CPAMD8: variants seen among roughly 807,000 people sequenced by gnomAD.
CPAMD8 encodes C3 and PZP-like alpha-2-macroglobulin domain-containing protein 8.
In CPAMD8, 146 loss-of-function variants were observed where a neutral mutation model predicts 224.7. The ratio of observed to expected loss-of-function variants is 0.65; its 90% confidence interval spans 0.57 to 0.75. CPAMD8 has a LOEUF of 0.75. CPAMD8 is among the 30% of genes least tolerant of loss of function. The probability of loss-of-function intolerance (pLI) is 0.00; values close to 1 mark genes in which losing one functional copy is unlikely to be tolerated. For synonymous variants in CPAMD8, 966 were observed against 1,044.6 expected (o/e 0.92, Z 1.45); for missense variants, 2,301 against 2,537.5 (o/e 0.91, Z 2.00).
intron 13 of CPAMD8, among the ~76,000 whole-genome samples, chr19:16,984,683 T>C (rs1341707989): frequency 6.6e-6 from 1 of 152,160 alleles, no homozygotes; most frequent in Non-Finnish European, 1.5e-5. Context: ...GAAAGAACTT[T>C]CACGACTCAA....
intron 16 of CPAMD8, among the ~76,000 whole-genome samples, chr19:16,975,612 G>A (rs1455839541): frequency 6.6e-6 from 1 of 152,162 alleles, no homozygotes; most frequent in East Asian, 1.9e-4. Flanking sequence ...GGAGGCTGAG[G>A]TGGGAGGATC....
rs532200595 is a variant in CPAMD8, at chr19:16,982,980, A to T, written c.1396-2294T>A. Among the ~76,000 whole-genome samples, 5 of 152,256 alleles carry T rather than the reference A, an allele frequency of 3.3e-5. No homozygotes were observed. The East Asian group carries it at 9.6e-4, about 29-fold the overall frequency. Reference sequence around the variant, plus strand: ...AGAATGAGTCTCGTGAGATCTGATAATTTTATAAGGGGTTTTCCTTTTCAC... The same window carrying T: ...AGAATGAGTCTCGTGAGATCTGATATTTTTATAAGGGGTTTTCCTTTTCAC... On this transcript the variant is annotated intron_variant, in intron 13 of 41. Transcript: ENST00000443236.
intron 29 of CPAMD8, among the ~76,000 whole-genome samples, chr19:16,913,304 T>C (rs1568467702): frequency 6.6e-6 from 1 of 152,106 alleles, no homozygotes; most frequent in African/African-American, 2.4e-5. Flanking sequence ...CCTAATATGA[T>C]GGTATTAGGA....
chr19:17,026,371 G>C (rs1262424927), intron 1 of CPAMD8, among the ~76,000 whole-genome samples, 180 bp downstream of exon 1: 1 of 152,184 alleles, frequency 6.6e-6, no homozygotes, highest in Admixed American at 6.5e-5. Flanking sequence ...TACCTCCACA[G>C]AGCCACTTCG....
intron 18 of CPAMD8, among the ~76,000 whole-genome samples, chr19:16,959,226 T>G (rs1056690401): frequency 4.7e-5 from 7 of 150,322 alleles, no homozygotes; most frequent in African/African-American, 1.7e-4. Context: ...CAGGCTGGAG[T>G]GCAGTGGTGC....
chr19:16,948,781 AGGAGGGGAAG>A (rs1240742321), intron 20 of CPAMD8, among the ~76,000 whole-genome samples: 2 of 130,898 alleles, frequency 1.5e-5, no homozygotes, highest in Non-Finnish European at 3.2e-5. Context: ...AAGACGGGAA[AGGAGGGGAAG>A]GGAGGGGAAG....
At chr19:16,917,981 C>T (rs1412115135) in intron 27 of CPAMD8, among the ~76,000 whole-genome samples, 1 of 152,040 alleles carries the variant, frequency 6.6e-6, no homozygotes, top group Non-Finnish European at 1.5e-5. Context: ...GACACATATC[C>T]TCCCGTGAAC....
chr19:17,005,013 A>G (rs1040356110), intron 7 of CPAMD8, among the ~76,000 whole-genome samples: 1 of 151,364 alleles, frequency 6.6e-6, no homozygotes, highest in Admixed American at 6.6e-5. Flanking sequence ...GTCTCCTGCC[A>G]GGATAGGGTT....
Position 16,914,750 on chromosome 19 carries a change from C to T in CPAMD8, c.3693G>A (p.Arg1231=). 6.2e-7 allele frequency: 1 copy of T among 1,614,086 alleles called. No individual in the cohort carries two copies. Among genetic ancestry groups the T allele is most frequent in the Non-Finnish European group, 8.5e-7 (1 of 1,180,006 alleles). The part of the protein sequence containing the change: ...QARSFIFVDP[R]ELAAAKSWII... ...TCCAGCTCTTGGCGGCAGCCAGCTC[C>T]CGGGGGTCCACGAAGATAAAGCTGC... The change falls in exon 28 of 42, where the codon CGG becomes CGA. Residue 1231 remains arginine, a synonymous_variant. Coordinates refer to ENST00000443236, the MANE Select transcript of CPAMD8 (RefSeq NM_015692.5).
At chr19:16,909,480 C>T (rs1047461027) in intron 29 of CPAMD8, among the ~76,000 whole-genome samples, 8 of 151,998 alleles carry the variant, frequency 5.3e-5, no homozygotes, top group Non-Finnish European at 8.8e-5. Context: ...GGAGGCGGAG[C>T]TTGCAATGAG....
chr19:16,934,348 T>A (rs1408009070), intron 23 of CPAMD8, among the ~76,000 whole-genome samples: 1 of 152,180 alleles, frequency 6.6e-6, no homozygotes, highest in Non-Finnish European at 1.5e-5. Flanking sequence ...ATAAACATAT[T>A]TAAAATATTA....
At chr19:16,952,357 A>T (rs2054326034) in intron 19 of CPAMD8, among the ~76,000 whole-genome samples, 157 bp from the exon 20 acceptor site, 1 of 152,190 alleles carries the variant, frequency 6.6e-6, no homozygotes, top group African/African-American at 2.4e-5. Flanking sequence ...GCAACAGGAA[A>T]AAAACTGTCC....
At chr19:16,900,758 C>A (rs938969688) in intron 36 of CPAMD8, among the ~76,000 whole-genome samples, 1 of 151,364 alleles carries the variant, frequency 6.6e-6, no homozygotes, top group Non-Finnish European at 1.5e-5. Context: ...ATGTCTGTAA[C>A]CCCAGCACTT....
intron 18 of CPAMD8, among the ~76,000 whole-genome samples, chr19:16,969,081 C>T (rs2054957328): frequency 6.6e-6 from 1 of 152,174 alleles, no homozygotes; most frequent in Non-Finnish European, 1.5e-5. Context: ...AAATAAAGAA[C>T]TCTCTAAACA....
intron 12 of CPAMD8, among the ~76,000 whole-genome samples, chr19:16,990,123 G>A (rs138943158): frequency 3.9e-5 from 6 of 152,066 alleles, no homozygotes; most frequent in South Asian, 4.2e-4. Context: ...GAGTAGTGGC[G>A]CATGCCTGTA....
In CPAMD8 at chr19:16,989,595, T is replaced by G. The variant is rs1340430606; in HGVS notation, c.1395+48A>C. 1.9e-6 allele frequency: 3 copies of G among 1,588,036 alleles called. No homozygotes were observed. The African/African-American group carries it at 4.1e-5, about 21-fold the overall frequency. On this transcript the variant is annotated intron_variant, in intron 13 of 41. Coordinates refer to ENST00000443236, the MANE Select transcript of CPAMD8 (RefSeq NM_015692.5). ...AGCCACAGCACCTGGCTCATGCTGC[T>G]TTTTGGATCCCGCATGGCCCAGGAA...
intron 32 of CPAMD8, 50 bp downstream of exon 32, chr19:16,904,176 A>AGGGCCCCCCCCCCCCCCCCCCCCCC: frequency 8.5e-6 from 8 of 937,328 alleles, no homozygotes; most frequent in East Asian, 2.6e-5. Context: ...GACTGCAGGG[A>AGGGCCCCCCCCCCCCCCCCCCCCCC]CCCCACCCAC....
At chr19:16,963,712 C>T (rs2054729071) in intron 18 of CPAMD8, among the ~76,000 whole-genome samples, 1 of 152,214 alleles carries the variant, frequency 6.6e-6, no homozygotes, top group South Asian at 2.1e-4. Flanking sequence ...ATCTACAGAA[C>T]TCTCCATCCT....
intron 27 of CPAMD8, among the ~76,000 whole-genome samples, 160 bp from the exon 28 acceptor site, chr19:16,914,973 G>A (rs1461831776): frequency 6.6e-6 from 1 of 152,210 alleles, no homozygotes; most frequent in Non-Finnish European, 1.5e-5. Flanking sequence ...TGTCAGAGTG[G>A]AGGAGGGGGC....
Sources: allele counts gnomAD v4.1 joint callset (sites outside exome capture counted in the v4.1 genomes callset), GRCh38; gene constraint gnomAD v4.1.1; transcripts MANE v1.5; gene names NCBI Gene and HGNC (gene_info 2026-07-23, HGNC 2026-07-21).